The following FTCDNL1 variants were observed in gnomAD, a reference collection of about 807,000 sequenced individuals.
FTCDNL1 encodes the protein formiminotransferase N-terminal subdomain-containing protein.
In FTCDNL1, 11 loss-of-function variants were observed where a neutral mutation model predicts 5.9. The ratio of observed to expected loss-of-function variants is 1.87; its 90% CI spans 1.18 to 3.10. The LOEUF (loss-of-function observed/expected upper bound fraction) is 3.10, where lower values mean the gene tolerates loss of function less well. Among genes scored for constraint, FTCDNL1 ranks in the 30% most tolerant of loss-of-function variants. The pLI, the probability that FTCDNL1 is intolerant of heterozygous loss-of-function variation, is 0.00. For missense variants in FTCDNL1, 115 were observed against 65.5 expected, an observed-to-expected ratio of 1.76 and a Z score of -2.61; for synonymous variants, 58 against 24.8, an observed-to-expected ratio of 2.34 and a Z score of -3.99.
chr2:199,750,363 A>G, the FTCDNL1 span, among the ~76,000 whole-genome samples: 1 of 150,928 alleles, frequency 6.6e-6, no homozygotes, highest in Non-Finnish European at 1.5e-5. Context: ...GTCTAAATAA[A>G]TAAATAAATA....
chr2:199,709,744 A>C, the FTCDNL1 span, among the ~76,000 whole-genome samples: 2 of 152,128 alleles, frequency 1.3e-5, no homozygotes, highest in Non-Finnish European at 2.9e-5. Context: ...AGCAGAGACA[A>C]GTTCAAGTTT....
At chr2:199,738,224 G>C in the FTCDNL1 span, among the ~76,000 whole-genome samples, 1 of 152,194 alleles carries the variant, frequency 6.6e-6, no homozygotes, top group African/African-American at 2.4e-5. Context: ...CTAGTTCATG[G>C]CTCATTCAGA....
intron 3 of FTCDNL1, chr2:199,844,318 A>C: frequency 2.2e-6 from 1 of 457,478 alleles, no homozygotes; most frequent in East Asian, 3.3e-5. Flanking sequence ...CTCACAAGCT[A>C]TTTCAGTTTG....
At chr2:199,845,050 C>T (rs2076693265) in intron 3 of FTCDNL1, among the ~76,000 whole-genome samples, 1 of 152,026 alleles carries the variant, frequency 6.6e-6, no homozygotes, top group Non-Finnish European at 1.5e-5. Flanking sequence ...TGTGCCCAAA[C>T]ACGTAAATTT....
chr2:199,712,077 G>C, the FTCDNL1 span, among the ~76,000 whole-genome samples: 7 of 152,150 alleles, frequency 4.6e-5, no homozygotes, highest in African/African-American at 1.7e-4. Context: ...CTTCAAGGTA[G>C]AGGTACTCTG....
the FTCDNL1 span, among the ~76,000 whole-genome samples, chr2:199,736,783 G>A: frequency 8.5e-5 from 13 of 152,168 alleles, no homozygotes; most frequent in Non-Finnish European, 1.5e-4. Context: ...CTCAAAAGAC[G>A]CAGCTACCCA....
the FTCDNL1 span, among the ~76,000 whole-genome samples, chr2:199,725,119 C>T: frequency 2.6e-5 from 4 of 152,118 alleles, no homozygotes; most frequent in Non-Finnish European, 5.9e-5. Context: ...TGAATTGAAT[C>T]CTTTACCACT....
In FTCDNL1 at chr2:199,810,951, T is replaced by C. The variant is rs1221092620; in HGVS notation, c.*1754A>G. Among the ~76,000 whole-genome samples, 1 of 152,200 alleles carries C rather than the reference T, an allele frequency of 6.6e-6. No homozygotes were observed. Among genetic ancestry groups the C allele is most frequent in the Admixed American group, 6.5e-5 (1 of 15,286 alleles). ...CCTAGACTACGATGGTTTGGGGGCT[T>C]TGTTGCCTAGCCTGGCTACTCTCAT... is the stretch of plus-strand genomic sequence containing the variant. On this transcript the variant is annotated 3_prime_UTR_variant, in exon 5 of 5. Transcript: ENST00000420128.
chr2:199,772,680 T>A (rs530990998), intron 3 of FTCDNL1, among the ~76,000 whole-genome samples: 1 of 152,272 alleles, frequency 6.6e-6, no homozygotes, highest in African/African-American at 2.4e-5. Flanking sequence ...ATATAGTGGA[T>A]CAATGTGATG....
At chr2:199,740,935 G>T in the FTCDNL1 span, among the ~76,000 whole-genome samples, 3 of 152,118 alleles carry the variant, frequency 2.0e-5, no homozygotes, top group Non-Finnish European at 4.4e-5. Flanking sequence ...GTTATAGAGG[G>T]TCCACTGTGT....
chr2:199,767,045 A>C (rs538845530), intron 3 of FTCDNL1, among the ~76,000 whole-genome samples: 2 of 152,322 alleles, frequency 1.3e-5, no homozygotes, highest in East Asian at 3.9e-4. Context: ...TTAATAATAA[A>C]AAGACCCCAA....
chr2:199,822,016 T>A (rs969519609), intron 3 of FTCDNL1, among the ~76,000 whole-genome samples: 3 of 152,224 alleles, frequency 2.0e-5, no homozygotes, highest in Non-Finnish European at 4.4e-5. Context: ...GGTTTCCCAG[T>A]GCATATAAAA....
At chr2:199,723,150 CCT>C in the FTCDNL1 span, among the ~76,000 whole-genome samples, 1 of 151,952 alleles carries the variant, frequency 6.6e-6, no homozygotes, top group African/African-American at 2.4e-5. Context: ...TTGTTAATCC[CCT>C]CTCTGTGTCC....
At chr2:199,820,854 T>TGATATA (rs1278438075) in intron 3 of FTCDNL1, among the ~76,000 whole-genome samples, 2 of 152,200 alleles carry the variant, frequency 1.3e-5, no homozygotes, top group African/African-American at 4.8e-5. Context: ...CATTTTTGTC[T>TGATATA]GATATACGAA....
chr2:199,834,403 A>G (rs1445804360), intron 3 of FTCDNL1, among the ~76,000 whole-genome samples: 1 of 152,020 alleles, frequency 6.6e-6, no homozygotes, highest in Non-Finnish European at 1.5e-5. Flanking sequence ...GCTCCCTCCT[A>G]ACTTTCATTC....
chr2:199,820,997 C>T (rs1300837765), intron 3 of FTCDNL1, among the ~76,000 whole-genome samples: 1 of 152,102 alleles, frequency 6.6e-6, no homozygotes, highest in East Asian at 1.9e-4. Flanking sequence ...CATAGGAGAC[C>T]TTCCCAACTG....
the FTCDNL1 span, among the ~76,000 whole-genome samples, chr2:199,731,106 C>T: frequency 1.3e-5 from 2 of 152,210 alleles, no homozygotes; most frequent in Non-Finnish European, 2.9e-5. Context: ...GAAAACCAAA[C>T]ACTGCATGTT....
At chr2:199,798,663 T>C (rs760892306) in intron 3 of FTCDNL1, among the ~76,000 whole-genome samples, 19 of 152,176 alleles carry the variant, frequency 1.2e-4, no homozygotes, top group Non-Finnish European at 2.5e-4. Flanking sequence ...GGCCCTGAGG[T>C]TGACTTTCAG....
the FTCDNL1 span, among the ~76,000 whole-genome samples, chr2:199,678,994 G>A: frequency 6.6e-6 from 1 of 152,028 alleles, no homozygotes; most frequent in Non-Finnish European, 1.5e-5. Flanking sequence ...GATACACACA[G>A]TACCAAACTA....
Sources: gnomAD v4.1 joint callset for allele counts (sites outside exome capture counted in the v4.1 genomes callset) on GRCh38, gnomAD v4.1.1 for gene constraint, MANE v1.5 for transcripts, NCBI Gene and HGNC (gene_info 2026-07-23, HGNC 2026-07-21) for gene names.